Variants in ZZZ3 observed in about 807,000 individuals in gnomAD.
ZZZ3 encodes the protein zinc finger ZZ-type containing 3, also known as ZZ-type zinc finger-containing protein 3.
In ZZZ3, 22 loss-of-function variants were observed where a neutral mutation model predicts 95.2. The observed-to-expected ratio is 0.23, with a 90% CI of 0.17 to 0.33. The LOEUF (loss-of-function observed/expected upper bound fraction) is 0.33. Among genes scored for constraint, ZZZ3 ranks in the 10% least tolerant of loss-of-function variants. The pLI, the probability that ZZZ3 is intolerant of heterozygous loss-of-function variation, is 1.00. For missense variants in ZZZ3, 885 were observed against 1,066.5 expected, an observed-to-expected ratio of 0.83 and a Z score of 2.37; for synonymous variants, 335 against 358.9, an observed-to-expected ratio of 0.93 and a Z score of 0.75.
At chr1:77,647,056 TA>T (rs1307166933) in intron 1 of ZZZ3, among the ~76,000 whole-genome samples, 2 of 152,152 alleles carry the variant, frequency 1.3e-5, no homozygotes, top group Non-Finnish European at 2.9e-5. Flanking sequence ...AGAAAACATG[TA>T]ATAACTGAAG....
At chr1:77,634,043 G>T (rs994179223) in intron 4 of ZZZ3, among the ~76,000 whole-genome samples, 3 of 151,974 alleles carry the variant, frequency 2.0e-5, no homozygotes, top group Non-Finnish European at 4.4e-5. Flanking sequence ...GGTGGCACAC[G>T]CCTGTAATCC....
At chr1:77,583,275 T>C (rs1006443236) in intron 6 of ZZZ3, among the ~76,000 whole-genome samples, 3 of 152,314 alleles carry the variant, frequency 2.0e-5, no homozygotes, top group Admixed American at 6.5e-5. Flanking sequence ...AAATTTTTCA[T>C]TAGTAAAGTA....
At chr1:77,661,699 G>GA in intron 1 of ZZZ3, among the ~76,000 whole-genome samples, 1 of 152,280 alleles carries the variant, frequency 6.6e-6, no homozygotes, top group East Asian at 1.9e-4. Flanking sequence ...TCAGATTATG[G>GA]AATGTCTGGC....
At chr1:77,570,452 T>C (rs758645354) in intron 12 of ZZZ3, among the ~76,000 whole-genome samples, 4 of 152,240 alleles carry the variant, frequency 2.6e-5, no homozygotes, top group Non-Finnish European at 4.4e-5. Context: ...CTGTCATTTC[T>C]TAATACTTTC....
rs947713175 is a variant in ZZZ3, at chr1:77,611,680, C to A, written c.1505+20170G>T. On this transcript the variant is annotated intron_variant, in intron 5 of 14. Transcript: ENST00000370801. ...GTAAAACAGTGCAGAAATAAACCCA[C>A]GTGTTTGCAGTCAATTGGTCTTTGA... Among the ~76,000 whole-genome samples the A allele has an allele frequency of 2.6e-5, 4 of 151,996 alleles. No homozygotes were observed. In the East Asian group the frequency reaches 7.7e-4, roughly 29 times the overall value.
intron 3 of ZZZ3, among the ~76,000 whole-genome samples, chr1:77,640,691 G>A (rs1430870212): frequency 6.6e-6 from 1 of 151,534 alleles, no homozygotes; most frequent in Admixed American, 6.6e-5. Context: ...CTAAGAAAAC[G>A]ACCAGCAGAT....
Position 77,562,915 on chromosome 1 carries a change from G to A in ZZZ3, c.*2725C>T, listed in dbSNP as rs917458183. On this transcript the variant is annotated 3_prime_UTR_variant, in exon 15 of 15. Transcript: ENST00000370801. ...TCTGCCTAGGTTAAAATCCAAGCAT[G>A]ACCACTTTACTAACTATACGACCTT... The A allele has an allele frequency of 2.6e-5, 4 of 152,366 alleles. No homozygotes were observed. In the East Asian group the frequency reaches 7.7e-4, roughly 29 times the overall value. 9.4% of individuals were successfully genotyped at this position (152,366 alleles called of 1,614,324 possible).
chr1:77,613,144 C>T (rs1316433065), intron 5 of ZZZ3, among the ~76,000 whole-genome samples: 1 of 152,014 alleles, frequency 6.6e-6, no homozygotes, highest in Non-Finnish European at 1.5e-5. Flanking sequence ...ATTTTGCCTT[C>T]AGTAAATCAT....
intron 5 of ZZZ3, among the ~76,000 whole-genome samples, chr1:77,587,723 G>C (rs938797880): frequency 6.6e-6 from 1 of 152,164 alleles, no homozygotes; most frequent in African/African-American, 2.4e-5. Flanking sequence ...TAACAATACA[G>C]TTGGCCCTTG....
chr1:77,579,823 T>C (rs1662324104), intron 9 of ZZZ3, 195 bp from the exon 10 acceptor site: 2 of 366,080 alleles, frequency 5.5e-6, no homozygotes, highest in South Asian at 6.4e-5. Flanking sequence ...ACAATGAAAT[T>C]AGAGAATAAA....
Position 77,582,131 on chromosome 1 carries a change from A to G in ZZZ3, c.1645-5T>C, listed in dbSNP as rs1395193523. On this transcript the variant is annotated splice_polypyrimidine_tract_variant and splice_region_variant and intron_variant, in intron 6 of 14. Transcript: ENST00000370801. ...ATATGGAAGCCCAATATCAGCCTGG[A>G]GGCAGGGGAGAAAAAACAAAATAAA... The G allele has an allele frequency of 6.3e-7, 1 of 1,579,280 alleles. No homozygotes were observed.
At chr1:77,589,631 G>C (rs1051174834) in intron 5 of ZZZ3, among the ~76,000 whole-genome samples, 34 of 151,408 alleles carry the variant, frequency 2.2e-4, no homozygotes, top group Admixed American at 1.3e-4. Flanking sequence ...GGTTTGGTTT[G>C]GTTTTTTTTG....
At chr1:77,597,124 G>T (rs1157913663) in intron 5 of ZZZ3, among the ~76,000 whole-genome samples, 1 of 151,930 alleles carries the variant, frequency 6.6e-6, no homozygotes. Flanking sequence ...GTGTCAAAAA[G>T]TAAGAAGCAC....
chr1:77,585,390 T>C (rs994291666), intron 5 of ZZZ3, among the ~76,000 whole-genome samples: 2 of 152,188 alleles, frequency 1.3e-5, no homozygotes, highest in African/African-American at 2.4e-5. Flanking sequence ...ATACATCTAT[T>C]CTAATATTCT....
chr1:77,668,081 A>G (rs200847162), intron 1 of ZZZ3, among the ~76,000 whole-genome samples: 20 of 151,990 alleles, frequency 1.3e-4, no homozygotes, highest in African/African-American at 4.1e-4. Context: ...GGTATCCTTG[A>G]TATGTTTTTC....
At chr1:77,675,284 G>A (rs181789042) in intron 1 of ZZZ3, among the ~76,000 whole-genome samples, 201 of 152,048 alleles carry the variant, frequency 1.3e-3, no homozygotes, top group Non-Finnish European at 2.1e-3. Context: ...GCTTTCCAAC[G>A]GGAAAGTGTG....
At chr1:77,681,604 G>C (rs548872787) in intron 1 of ZZZ3, among the ~76,000 whole-genome samples, 1 of 152,126 alleles carries the variant, frequency 6.6e-6, no homozygotes, top group East Asian at 1.9e-4. Context: ...ACCTGAGGCC[G>C]GGCGCGGTGG....
At chr1:77,643,970 T>C (rs943366333) in intron 1 of ZZZ3, among the ~76,000 whole-genome samples, 3 of 152,202 alleles carry the variant, frequency 2.0e-5, no homozygotes, top group African/African-American at 7.2e-5. Flanking sequence ...ATATAGGCAC[T>C]ATACTATGAT....
At chr1:77,604,116 A>T (rs765477343) in intron 5 of ZZZ3, among the ~76,000 whole-genome samples, 1 of 152,172 alleles carries the variant, frequency 6.6e-6, no homozygotes, top group Non-Finnish European at 1.5e-5. Context: ...GCAGGCTGCT[A>T]TGTCTCCAAT....
Sources: allele counts gnomAD v4.1 joint callset (sites outside exome capture counted in the v4.1 genomes callset), GRCh38; gene constraint gnomAD v4.1.1; transcripts MANE v1.5; gene names NCBI Gene and HGNC (gene_info 2026-07-23, HGNC 2026-07-21).